CAMSAP2: variants seen among roughly 807,000 people sequenced by gnomAD.
CAMSAP2 encodes calmodulin regulated spectrin associated protein family member 2.
Under a neutral mutation model 146.1 loss-of-function variants are expected in CAMSAP2, and 26 were observed. The ratio of observed to expected loss-of-function variants is 0.18; its 90% CI spans 0.13 to 0.25. The LOEUF (loss-of-function observed/expected upper bound fraction) is 0.25, where lower values mean the gene tolerates loss of function less well. CAMSAP2 is among the 10% of genes least tolerant of loss of function. The pLI, the probability that CAMSAP2 is intolerant of heterozygous loss-of-function variation, is 1.00. For missense variants in CAMSAP2, 1,381 were observed against 1,759.3 expected, an observed-to-expected ratio of 0.78 and a Z score of 3.85; for synonymous variants, 499 against 596.6, an observed-to-expected ratio of 0.84 and a Z score of 2.38.
chr1:200,778,659 T>G (rs1665348532), intron 2 of CAMSAP2, among the ~76,000 whole-genome samples: 1 of 152,180 alleles, frequency 6.6e-6, no homozygotes, highest in African/African-American at 2.4e-5. Context: ...TTTTTACCAG[T>G]TTTTTTCATG....
chr1:200,843,839 G>GT (rs34081222), intron 7 of CAMSAP2, among the ~76,000 whole-genome samples: 19,880 of 147,880 alleles, frequency 0.13, 1,316 homozygotes, highest in East Asian at 0.18. Context: ...ACTTATTTTT[G>GT]TTTTTTTTTT....
chr1:200,791,782 A>G (rs183033849), intron 2 of CAMSAP2, among the ~76,000 whole-genome samples: 120 of 152,294 alleles, frequency 7.9e-4, no homozygotes, highest in African/African-American at 2.7e-3. Flanking sequence ...TAAGGCCAAT[A>G]TGGTGAAGCC....
At chr1:200,801,190 G>A (rs1666026946) in intron 2 of CAMSAP2, among the ~76,000 whole-genome samples, 1 of 152,034 alleles carries the variant, frequency 6.6e-6, no homozygotes, top group Non-Finnish European at 1.5e-5. Flanking sequence ...CTTGAACCCA[G>A]GAGGTGGAGG....
At chr1:200,756,409 C>T (rs771787130) in intron 1 of CAMSAP2, among the ~76,000 whole-genome samples, 4 of 151,486 alleles carry the variant, frequency 2.6e-5, no homozygotes, top group South Asian at 2.1e-4. Context: ...GTCGAGATCA[C>T]GTCACTGCAC....
intron 2 of CAMSAP2, among the ~76,000 whole-genome samples, chr1:200,795,645 C>G (rs1665865808): frequency 6.6e-6 from 1 of 152,168 alleles, no homozygotes; most frequent in African/African-American, 2.4e-5. Flanking sequence ...TTGAGCTATA[C>G]TCTTTCTTAT....
At chr1:200,753,201 G>A (rs1235165093) in intron 1 of CAMSAP2, among the ~76,000 whole-genome samples, 1 of 151,446 alleles carries the variant, frequency 6.6e-6, no homozygotes, top group Admixed American at 6.6e-5. Context: ...GGTAGGCCGA[G>A]GCAGGAGAAT....
chr1:200,739,752 CTCCCG>C lies in CAMSAP2; in HGVS notation c.-75_-71del. On this transcript the variant is annotated 5_prime_UTR_variant, in exon 1 of 17. Transcript: ENST00000358823. The surrounding 1 kb of genome is among the most constrained non-coding windows in gnomAD (Gnocchi z 4.8). ...ATGGTTTGAGCTTGCTTCTCCCTCC[CTCCCG>C]ACCCCCGTGGTGGCGAGGCCACGCC... is the stretch of plus-strand genomic sequence containing the variant. 3 of 1,492,900 alleles carry C rather than the reference CTCCCG, an allele frequency of 2.0e-6. No homozygotes were observed. Among genetic ancestry groups the C allele is most frequent in the Non-Finnish European group, 2.7e-6 (3 of 1,101,434 alleles). 92.5% of individuals were successfully genotyped at this position (1,492,900 alleles called of 1,614,324 possible).
chr1:200,807,867 A>G (rs1271712915), intron 3 of CAMSAP2, among the ~76,000 whole-genome samples: 1 of 151,652 alleles, frequency 6.6e-6, no homozygotes, highest in African/African-American at 2.4e-5. Context: ...CGGCCTCCCA[A>G]GTAGCTGGGA....
At chr1:200,806,515 A>G (rs1256715094) in intron 2 of CAMSAP2, among the ~76,000 whole-genome samples, 4 of 152,214 alleles carry the variant, frequency 2.6e-5, no homozygotes, top group Non-Finnish European at 5.9e-5. Flanking sequence ...ATGGTTATCT[A>G]TCAAAACTTA....
intron 2 of CAMSAP2, among the ~76,000 whole-genome samples, chr1:200,785,037 A>G (rs1488353551): frequency 6.6e-6 from 1 of 152,204 alleles, no homozygotes; most frequent in Non-Finnish European, 1.5e-5. Context: ...GTTCTCATTT[A>G]TCCTGTTAAT....
chr1:200,821,547 G>A (rs998007381), intron 4 of CAMSAP2, among the ~76,000 whole-genome samples: 1 of 152,034 alleles, frequency 6.6e-6, no homozygotes, highest in Admixed American at 6.6e-5. Flanking sequence ...CATTAATAGG[G>A]ATGGGGTTTC....
At position 200,858,295 on chromosome 1, in the gene CAMSAP2, G is replaced by C. The variant is rs992219797; in HGVS notation, c.*236G>C. 5 of 412,966 alleles carry C rather than the reference G, an allele frequency of 1.2e-5. No homozygotes were observed. Among genetic ancestry groups the C allele is most frequent in the Non-Finnish European group, 2.1e-5 (5 of 235,278 alleles). 25.6% of individuals were successfully genotyped at this position (412,966 alleles called of 1,614,324 possible). On this transcript the variant is annotated 3_prime_UTR_variant, in exon 17 of 17. Transcript: ENST00000358823. ...TGTTTTAATTCACAAATGGAGATTT[G>C]TATGTGTTATCAGGTTCACCTGCTT...
rs769381640 is a variant in CAMSAP2, at chr1:200,807,367, T to A, written c.400-9T>A. On this transcript the variant is annotated splice_polypyrimidine_tract_variant and intron_variant, in intron 2 of 16. Coordinates refer to ENST00000358823, the MANE Select transcript of CAMSAP2 (RefSeq NM_203459.4). ...TTTTAAACTATTTGTTCTTGTTTTATATTTTCAGAGTGCACATTTGGCCAT... is the reference window on the plus strand; with the variant it reads ...TTTTAAACTATTTGTTCTTGTTTTAAATTTTCAGAGTGCACATTTGGCCAT... 6.7e-7 allele frequency: 1 copy of A among 1,483,138 alleles called. No homozygotes were observed. The highest frequency in any genetic ancestry group is 1.5e-5 in the South Asian group (1 of 68,622). 91.9% of individuals were successfully genotyped at this position (1,483,138 alleles called of 1,614,324 possible).
intron 6 of CAMSAP2, among the ~76,000 whole-genome samples, chr1:200,835,787 A>G (rs970303188): frequency 6.6e-6 from 1 of 152,212 alleles, no homozygotes; most frequent in African/African-American, 2.4e-5. Flanking sequence ...CATCAACATG[A>G]TATCTACATT....
intron 1 of CAMSAP2, among the ~76,000 whole-genome samples, chr1:200,743,070 A>T (rs937505024): frequency 6.6e-6 from 1 of 152,244 alleles, no homozygotes; most frequent in Non-Finnish European, 1.5e-5. Context: ...TAAATCGATA[A>T]TCCAAATTCC....
intron 2 of CAMSAP2, among the ~76,000 whole-genome samples, chr1:200,796,673 C>CTTTTTTTTTTTTTT (rs58160624): frequency 7.0e-6 from 1 of 142,522 alleles, no homozygotes; most frequent in Non-Finnish European, 1.6e-5. Context: ...TTTTTTTTGT[C>CTTTTTTTTTTTTTT]TTTTTTTTTT....
intron 15 of CAMSAP2, 96 bp downstream of exon 15, chr1:200,856,221 C>A: frequency 2.5e-6 from 2 of 809,796 alleles, no homozygotes; most frequent in South Asian, 1.8e-5. Flanking sequence ...ACCTTTGGGT[C>A]TTAAACATAG....
intron 2 of CAMSAP2, among the ~76,000 whole-genome samples, chr1:200,761,442 G>C (rs1421798960): frequency 2.0e-5 from 3 of 152,128 alleles, no homozygotes; most frequent in Non-Finnish European, 4.4e-5. Flanking sequence ...AGATTAATAA[G>C]TGCTGATTTA....
chr1:200,740,023 T>G (rs1025900294), intron 1 of CAMSAP2, 57 bp downstream of exon 1: 19 of 1,586,784 alleles, frequency 1.2e-5, no homozygotes, highest in Non-Finnish European at 1.5e-5. Context: ...CACATCTCGG[T>G]TTTTGTTCCC....
Sources: allele counts gnomAD v4.1 joint callset (sites outside exome capture counted in the v4.1 genomes callset), GRCh38; gene constraint gnomAD v4.1.1; non-coding constraint Gnocchi (gnomAD v3.1); transcripts MANE v1.5; gene names NCBI Gene and HGNC (gene_info 2026-07-23, HGNC 2026-07-21).